MED13L: variants seen among roughly 807,000 people sequenced by gnomAD.
The protein encoded by MED13L is mediator complex subunit 13L, also known as mediator of RNA polymerase II transcription subunit 13-like.
A neutral mutation model predicts 220.9 loss-of-function variants in MED13L; 7 were observed. The observed-to-expected ratio is 0.03, with a 90% CI of 0.02 to 0.06. The LOEUF (loss-of-function observed/expected upper bound fraction) is 0.06. Ranked by LOEUF, MED13L falls within the 10% of genes least tolerant of loss-of-function variation. MED13L has a pLI of 1.00. For synonymous variants in MED13L, 1,011 were observed against 1,015.2 expected (o/e 1.00, Z 0.08); for missense variants, 1,965 against 2,760.5 (o/e 0.71, Z 6.46).
intron 4 of MED13L, among the ~76,000 whole-genome samples, chr12:116,086,083 T>C (rs144838778): frequency 6.6e-5 from 10 of 152,338 alleles, no homozygotes; most frequent in Admixed American, 1.3e-4. Flanking sequence ...CCACATTATG[T>C]TCTTCTATTG....
intron 4 of MED13L, among the ~76,000 whole-genome samples, chr12:116,083,144 T>C (rs1317352184): frequency 1.3e-5 from 2 of 152,234 alleles, no homozygotes; most frequent in African/African-American, 4.8e-5. Context: ...TGGTGGCTCA[T>C]ACCTGTAATC....
At chr12:116,119,288 G>A (rs572037947) in intron 2 of MED13L, among the ~76,000 whole-genome samples, 69 of 152,264 alleles carry the variant, frequency 4.5e-4, no homozygotes, top group Non-Finnish European at 5.1e-4. Context: ...AGCCGATGGA[G>A]ATATCTTTCT....
In MED13L at chr12:116,124,158, CAGAG is replaced by C. The variant is rs1298137649; in HGVS notation, c.311-12650_311-12647del. On this transcript the variant is annotated intron_variant, in intron 2 of 30. Coordinates refer to ENST00000281928, the MANE Select transcript of MED13L (RefSeq NM_015335.5). ...AGAGAGAGAGAGAGAGAGACAGAGA[CAGAG>C]AGAGACAGAGAGAGACAGAGAGAGA... Among the ~76,000 whole-genome samples the C allele has an allele frequency of 1.5e-3, 173 of 115,534 alleles. No individual in the cohort carries two copies. In the Middle Eastern group the frequency reaches 0.015, roughly 10 times the overall value. 75.8% of individuals were successfully genotyped at this position (115,534 alleles called of 152,430 possible).
chr12:116,036,267 A>G (rs1281216500), intron 4 of MED13L, among the ~76,000 whole-genome samples: 1 of 152,240 alleles, frequency 6.6e-6, no homozygotes, highest in African/African-American at 2.4e-5. Context: ...TTTAAAGCTG[A>G]AAGAAGTTTA....
intron 4 of MED13L, among the ~76,000 whole-genome samples, chr12:116,083,761 G>A (rs760210335): frequency 6.6e-6 from 1 of 152,168 alleles, no homozygotes; most frequent in African/African-American, 2.4e-5. Flanking sequence ...ACTGGCCCCT[G>A]TTCCTCTGCC....
At chr12:116,024,468 C>T (rs1259545621) in intron 4 of MED13L, among the ~76,000 whole-genome samples, 1 of 152,118 alleles carries the variant, frequency 6.6e-6, no homozygotes, top group Non-Finnish European at 1.5e-5. Context: ...TTTTGCCCAG[C>T]TTTTAAATCT....
At chr12:116,203,103 G>A (rs553280133) in intron 2 of MED13L, among the ~76,000 whole-genome samples, 5 of 152,232 alleles carry the variant, frequency 3.3e-5, no homozygotes, top group Admixed American at 2.0e-4. Context: ...TTAAATCAGC[G>A]TTCTTCAAAC....
chr12:116,010,243 C>G lies in MED13L; in HGVS notation c.1281-1111G>C, dbSNP rs79263547. 7.5e-3 allele frequency among the ~76,000 whole-genome samples: 1,142 copies of G among 152,222 alleles called. 7 individuals are homozygous for G. Among genetic ancestry groups the G allele is most frequent in the South Asian group, 0.019 (92 of 4,818 alleles). On this transcript the variant is annotated intron_variant, in intron 9 of 30. Coordinates refer to ENST00000281928, the MANE Select transcript of MED13L (RefSeq NM_015335.5). ...CTTTGCTACTCTAAAAAAATAAAAACAAACACTCCTGAACTTCTTGTCTTT... is the reference window on the plus strand; with the variant it reads ...CTTTGCTACTCTAAAAAAATAAAAAGAAACACTCCTGAACTTCTTGTCTTT...
In MED13L at chr12:116,015,182, T is replaced by C. The variant is rs756789881; in HGVS notation, c.1102A>G (p.Ile368Val). 2 of 1,613,942 alleles carry C rather than the reference T, an allele frequency of 1.2e-6. No individual in the cohort carries two copies. The highest frequency in any genetic ancestry group is 1.1e-5 in the South Asian group (1 of 91,076). Residue 368 changes from isoleucine (I) to valine (V), a missense_variant, in exon 8 of 31, where the codon ATT becomes GTT. Ile to Val is a conservative substitution (Grantham distance 29). Coordinates refer to ENST00000281928, the MANE Select transcript of MED13L (RefSeq NM_015335.5). Reference sequence around the variant, plus strand: ...ATATGATTGTGGAGTTTTGGAGGAATCTTCCCCGATCTCTTTGGACTGTGC... The same window carrying C: ...ATATGATTGTGGAGTTTTGGAGGAACCTTCCCCGATCTCTTTGGACTGTGC... ...TMHSPKRSGK[I>V]PPKLHNHMVH...
intron 1 of MED13L, among the ~76,000 whole-genome samples, chr12:116,274,543 CTA>C (rs1481057901): frequency 6.6e-6 from 1 of 150,982 alleles, no homozygotes; most frequent in African/African-American, 2.4e-5. Context: ...TCAGAAATAA[CTA>C]TGATATACAA....
At chr12:116,212,620 A>C (rs904241524) in intron 2 of MED13L, among the ~76,000 whole-genome samples, 1 of 152,192 alleles carries the variant, frequency 6.6e-6, no homozygotes, top group South Asian at 2.1e-4. Flanking sequence ...CTCCAACCTA[A>C]CACGGTATTA....
At chr12:116,067,252 T>C (rs1870017732) in intron 4 of MED13L, among the ~76,000 whole-genome samples, 1 of 152,244 alleles carries the variant, frequency 6.6e-6, no homozygotes, top group African/African-American at 2.4e-5. Context: ...TGTGTACCTC[T>C]GTATTTCATT....
intron 9 of MED13L, among the ~76,000 whole-genome samples, chr12:116,010,987 C>G (rs1879361759): frequency 6.6e-6 from 1 of 151,882 alleles, no homozygotes; most frequent in Non-Finnish European, 1.5e-5. Context: ...AGCAATTCTC[C>G]TGCCTCAGCC....
intron 13 of MED13L, 73 bp from the exon 14 acceptor site, chr12:116,003,175 G>A: frequency 1.5e-6 from 2 of 1,320,770 alleles, no homozygotes; most frequent in Non-Finnish European, 1.1e-6. Flanking sequence ...ATTTCCTAAT[G>A]TATGCCTATT....
intron 4 of MED13L, among the ~76,000 whole-genome samples, chr12:116,089,998 T>C (rs1042309900): frequency 6.6e-6 from 1 of 152,204 alleles, no homozygotes; most frequent in Admixed American, 6.5e-5. Flanking sequence ...ATGAGAATGA[T>C]CTAGTTGATA....
At chr12:116,153,710 A>G (rs1181675627) in intron 2 of MED13L, among the ~76,000 whole-genome samples, 1 of 152,198 alleles carries the variant, frequency 6.6e-6, no homozygotes, top group African/African-American at 2.4e-5. Flanking sequence ...TTCTATTTTA[A>G]CCCATTCCCC....
rs879503143 is a variant in MED13L, at chr12:115,992,104, T to TA, written c.2997-148dup. On this transcript the variant is annotated intron_variant, in intron 16 of 30. Transcript: ENST00000281928. Reference sequence around the variant, plus strand: ...TACACTGGTATATTTAATTTTCTCTTAAAAAAAAAAAAGAAGATACAAAGG... The same window carrying TA: ...TACACTGGTATATTTAATTTTCTCTTAAAAAAAAAAAAAGAAGATACAAAGG... The TA allele has an allele frequency of 0.022, 12,807 of 592,378 alleles. 2 individuals carry two copies. The highest frequency in any genetic ancestry group is 0.029 in the Middle Eastern group (63 of 2,148). 36.7% of individuals were successfully genotyped at this position (592,378 alleles called of 1,614,324 possible).
chr12:116,225,413 T>C (rs1868877500), intron 2 of MED13L, among the ~76,000 whole-genome samples: 2 of 152,288 alleles, frequency 1.3e-5, no homozygotes, highest in Middle Eastern at 3.4e-3. Context: ...CCCTTTGTTA[T>C]ACTCTTCATG....
At chr12:116,159,354 T>C (rs1164984561) in intron 2 of MED13L, among the ~76,000 whole-genome samples, 4 of 152,158 alleles carry the variant, frequency 2.6e-5, no homozygotes, top group East Asian at 1.9e-4. Flanking sequence ...GCCCAGAGAA[T>C]GCCAGAATAC....
Sources: gnomAD v4.1 joint callset for allele counts (sites outside exome capture counted in the v4.1 genomes callset) on GRCh38, gnomAD v4.1.1 for gene constraint, MANE v1.5 for transcripts, NCBI Gene and HGNC (gene_info 2026-07-23, HGNC 2026-07-21) for gene names.